The following ERVFRD-1 variants were observed in gnomAD, a reference collection of about 807,000 sequenced individuals.
ERVFRD-1 encodes the protein endogenous retrovirus group FRD member 1, envelope, also known as syncytin-2.
Under a neutral mutation model 43.8 loss-of-function variants are expected in ERVFRD-1, and 33 were observed. The observed-to-expected ratio is 0.75, with a 90% CI of 0.57 to 1.01. The LOEUF (loss-of-function observed/expected upper bound fraction) is 1.01, where lower values mean the gene tolerates loss of function less well. Among genes scored for constraint, ERVFRD-1 ranks in the 50% least tolerant of loss-of-function variants. The pLI, the probability that ERVFRD-1 is intolerant of heterozygous loss-of-function variation, is 0.00. For missense variants in ERVFRD-1, 568 were observed against 658.4 expected (o/e 0.86, Z 1.50); for synonymous variants, 239 against 244.4 (o/e 0.98, Z 0.21).
In ERVFRD-1 at chr6:11,105,000, C is replaced by A. The variant is rs369615242; in HGVS notation, c.311G>T (p.Arg104Leu). The change falls in exon 2 of 2, where the codon CGC becomes CTC. Residue 104 changes from arginine (R) to leucine (L), a missense_variant. Transcript: ENST00000472091. ...GGGTCCGAAAATGGGAGGTTTCTGG[C>A]GGATATCAGGGAAATCTTGCTTTAC... is the stretch of plus-strand genomic sequence containing the variant. ...STVKQDFPDI[R>L]QKPPIFGPIF... The A allele has an allele frequency of 1.2e-6, 2 of 1,614,084 alleles. No individual in the cohort carries two copies. The highest frequency in any genetic ancestry group is 8.5e-7 in the Non-Finnish European group (1 of 1,180,022).
rs373841040 is a variant in ERVFRD-1, at chr6:11,110,591, T to A, written c.-321+1086A>T. ...GTGATTAGAGGAATGGAGGAAAATT[T>A]GTATTTGGGATTCTTCATCCTCCCA... On this transcript the variant is annotated intron_variant, in intron 1 of 1. Coordinates refer to ENST00000472091, the MANE Select transcript of ERVFRD-1 (RefSeq NM_207582.3). Among the ~76,000 whole-genome samples, 5 of 152,178 alleles carry A rather than the reference T, an allele frequency of 3.3e-5. No individual in the cohort carries two copies. The South Asian group carries it at 1.0e-3, about 32-fold the overall frequency.
chr6:11,107,140 C>A (rs905078352), intron 1 of ERVFRD-1, among the ~76,000 whole-genome samples: 1 of 152,214 alleles, frequency 6.6e-6, no homozygotes, highest in Non-Finnish European at 1.5e-5. Context: ...TGTGGATTAT[C>A]TAGGAGCTGA....
chr6:11,110,829 G>T (rs1326651984), intron 1 of ERVFRD-1, among the ~76,000 whole-genome samples: 4 of 152,188 alleles, frequency 2.6e-5, no homozygotes, highest in Admixed American at 2.6e-4. Flanking sequence ...CCTGCAAACG[G>T]CAGAGAATTT....
rs1758033050 is a variant in ERVFRD-1, at chr6:11,103,672, G to A, written c.*22C>T. On this transcript the variant is annotated 3_prime_UTR_variant, in exon 2 of 2. Transcript: ENST00000472091. ...ATTTCGCCTCTGTCGTGTTCCACTA[G>A]CGAGCAGTCTAGGGGTCCTCCTTAG... 6.6e-7 allele frequency: 1 copy of A among 1,524,212 alleles called. No homozygotes were observed. The highest frequency in any genetic ancestry group is 1.4e-5 in the African/African-American group (1 of 71,860). 94.4% of individuals were successfully genotyped at this position (1,524,212 alleles called of 1,614,324 possible).
At position 11,104,841 on chromosome 6, in the gene ERVFRD-1, G is replaced by A. The variant is rs561422018; in HGVS notation, c.470C>T (p.Thr157Ile). Residue 157 changes from threonine (T) to isoleucine (I), a missense_variant, in exon 2 of 2, where the codon ACT becomes ATT. By Grantham distance (89) the Thr-to-Ile change is moderately conservative. Coordinates refer to ENST00000472091, the MANE Select transcript of ERVFRD-1 (RefSeq NM_207582.3). ...TTGGTTGTGGGTGTATGTTTGGTAA[G>A]TCTGTTGGTTAGAATCTACAGTGAA... ...VTFTVDSNQQ[T>I]YQTYTHNQFR... The A allele has an allele frequency of 4.3e-6, 7 of 1,614,250 alleles. No individual in the cohort carries two copies. In the African/African-American group the frequency reaches 5.3e-5, roughly 12 times the overall value.
In ERVFRD-1 at chr6:11,102,986, A is replaced by G. The variant is rs1303969532; in HGVS notation, c.*708T>C. On this transcript the variant is annotated 3_prime_UTR_variant, in exon 2 of 2. Transcript: ENST00000472091. Reference sequence around the variant, plus strand: ...TGGTAGGCCCTTGACTTGGGGTTTTATACATTGGCATTGTTCCGGGGTTTC... The same window carrying G: ...TGGTAGGCCCTTGACTTGGGGTTTTGTACATTGGCATTGTTCCGGGGTTTC... The G allele has an allele frequency of 6.6e-6, 1 of 152,198 alleles. No individual in the cohort carries two copies. The highest frequency in any genetic ancestry group is 1.5e-5 in the Non-Finnish European group (1 of 68,058). 9.4% of individuals were successfully genotyped at this position (152,198 alleles called of 1,614,324 possible).
In ERVFRD-1 at chr6:11,105,350, T is replaced by G. The variant is rs541442050; in HGVS notation, c.-40A>C. ...AACTGGTCACAAAACGAGCTGCCAA[T>G]GGAACTCCTGGTGGTGTACAAGTTA... On this transcript the variant is annotated 5_prime_UTR_variant, in exon 2 of 2. Transcript: ENST00000472091. 6.8e-7 allele frequency: 1 copy of G among 1,475,240 alleles called. No individual in the cohort carries two copies. Among genetic ancestry groups the G allele is most frequent in the East Asian group, 2.3e-5 (1 of 44,100 alleles). The allele number at this position is 1,475,240 out of a possible 1,614,324, so 91.4% of individuals were successfully genotyped here.
rs1758056914 is a variant in ERVFRD-1, at chr6:11,104,699, G to A, written c.612C>T (p.Asn204=). 2 of 1,614,136 alleles carry A rather than the reference G, an allele frequency of 1.2e-6. No individual in the cohort carries two copies. Among genetic ancestry groups the A allele is most frequent in the Non-Finnish European group, 1.7e-6 (2 of 1,180,048 alleles). The change falls in exon 2 of 2, where the codon AAC becomes AAT. Residue 204 remains asparagine (N), a synonymous_variant. Coordinates refer to ENST00000472091, the MANE Select transcript of ERVFRD-1 (RefSeq NM_207582.3). ...TATAATCAGCAGGCCGGAACCAGAA[G>A]TTTCGAGTACTGCATGAGCTTGGGC... ...QGRPSSCSTR[N]FWFRPADYNQ...
chr6:11,103,717 T>C lies in ERVFRD-1; in HGVS notation c.1594A>G (p.Asn532Asp), dbSNP rs1455508568. ...TNLSAGRHPR[N>D]IQESPF ...CCTTAGAAGGGTGACTCTTGAATAT[T>C]GCGAGGATGGCGTCCTGCACTGAGA... The change falls in exon 2 of 2, where the codon AAT (asparagine) becomes GAT (aspartate). Residue 532 changes from asparagine to aspartate, a missense_variant. Asn to Asp is a conservative substitution (Grantham distance 23). Transcript: ENST00000472091. The C allele has an allele frequency of 2.6e-6, 4 of 1,551,242 alleles. No homozygotes were observed. The highest frequency in any genetic ancestry group is 4.9e-5 in the East Asian group (2 of 40,926).
rs772185245 is a variant in ERVFRD-1, at chr6:11,105,225, T to G, written c.86A>C (p.Gln29Pro). 8.7e-6 allele frequency: 14 copies of G among 1,614,064 alleles called. No homozygotes were observed. Among genetic ancestry groups the G allele is most frequent in the Non-Finnish European group, 1.1e-5 (13 of 1,180,038 alleles). ...HPDFPLLEKA[Q>P]QLLQSTGSPY... ...GGATCCTGTACTTTGGAGCAGTTGC[T>G]GAGCTTTTTCCAATAACGGGAAATC... is the stretch of plus-strand genomic sequence containing the variant. Residue 29 changes from glutamine to proline, a missense_variant, in exon 2 of 2, where the codon CAG becomes CCG. Transcript: ENST00000472091.
intron 1 of ERVFRD-1, among the ~76,000 whole-genome samples, chr6:11,109,026 C>T (rs1287288126): frequency 6.6e-6 from 1 of 152,228 alleles, no homozygotes; most frequent in Non-Finnish European, 1.5e-5. Context: ...TGCTCATGTA[C>T]TCCCCTGGAT....
At chr6:11,108,934 T>C (rs1443298640) in intron 1 of ERVFRD-1, among the ~76,000 whole-genome samples, 4 of 152,224 alleles carry the variant, frequency 2.6e-5, no homozygotes, top group African/African-American at 9.7e-5. Context: ...CCTTGATCTG[T>C]CAAGCCCAAT....
In ERVFRD-1 at chr6:11,103,054, A is replaced by G. The variant is rs1276196131; in HGVS notation, c.*640T>C. 2.0e-5 allele frequency: 3 copies of G among 152,166 alleles called. No homozygotes were observed. The highest frequency in any genetic ancestry group is 4.4e-5 in the Non-Finnish European group (3 of 68,082). 9.4% of individuals were successfully genotyped at this position (152,166 alleles called of 1,614,324 possible). A position where few individuals can be genotyped will look rare whatever the true frequency, so the allele number is the denominator to read the frequency against. On this transcript the variant is annotated 3_prime_UTR_variant, in exon 2 of 2. Transcript: ENST00000472091. ...TTTTTCTTTGGGGCGGGCTGTCTGC[A>G]TGCACAGTGGCCTGCCAGCACTTGG... is the stretch of plus-strand genomic sequence containing the variant.
chr6:11,107,710 T>C (rs954621611), intron 1 of ERVFRD-1, among the ~76,000 whole-genome samples: 3 of 152,240 alleles, frequency 2.0e-5, no homozygotes, highest in Non-Finnish European at 4.4e-5. Flanking sequence ...TTGGGTGTAT[T>C]GGGACTACTG....
rs778983132 is a variant in ERVFRD-1, at chr6:11,104,031, T to C, written c.1280A>G (p.Gln427Arg). Residue 427 changes from glutamine (Q) to arginine (R), a missense_variant, in exon 2 of 2, where the codon CAG (glutamine) becomes CGG (arginine). Gln to Arg is a conservative substitution (Grantham distance 43, BLOSUM62 1). Coordinates refer to ENST00000472091, the MANE Select transcript of ERVFRD-1 (RefSeq NM_207582.3). ...RRGLDMLTAA[Q>R]GGICLALDEK... ...ATCTAAGGCCAAACAAATTCCTCCCTGTGCTGCCGTTAACATGTCTAGTCC... is the reference window on the plus strand; with the variant it reads ...ATCTAAGGCCAAACAAATTCCTCCCCGTGCTGCCGTTAACATGTCTAGTCC... 1.3e-6 allele frequency: 2 copies of C among 1,551,738 alleles called. No individual in the cohort carries two copies. The highest frequency in any genetic ancestry group is 1.7e-6 in the Non-Finnish European group (2 of 1,146,998).
chr6:11,107,683 A>G (rs564635819), intron 1 of ERVFRD-1, among the ~76,000 whole-genome samples: 29 of 152,244 alleles, frequency 1.9e-4, no homozygotes, highest in African/African-American at 6.8e-4. Context: ...GAAGAATTAC[A>G]TATGAGTTGG....
Position 11,105,139 on chromosome 6 carries a change from A to G in ERVFRD-1, c.172T>C (p.Tyr58His). ...SSSTETPGTAYPASPREWTSI... is the reference protein window; with the variant it reads ...SSSTETPGTAHPASPREWTSI... ...GTCCATTCTCTGGGCGAGGCTGGAT[A>G]AGCTGTCCCTGGTGTTTCAGTGGAA... is the stretch of plus-strand genomic sequence containing the variant. Residue 58 changes from tyrosine (Y) to histidine (H), a missense_variant, in exon 2 of 2, where the codon TAT becomes CAT. Coordinates refer to ENST00000472091, the MANE Select transcript of ERVFRD-1 (RefSeq NM_207582.3). 1 of 1,614,214 alleles carries G rather than the reference A, an allele frequency of 6.2e-7. No homozygotes were observed. The highest frequency in any genetic ancestry group is 8.5e-7 in the Non-Finnish European group (1 of 1,180,036).
At chr6:11,111,446 G>C (rs375880986) in intron 1 of ERVFRD-1, among the ~76,000 whole-genome samples, 8 of 152,238 alleles carry the variant, frequency 5.3e-5, no homozygotes, top group African/African-American at 1.4e-4. Flanking sequence ...TGTCTGGGGG[G>C]GCCATTAGTG....
In ERVFRD-1 at chr6:11,105,250, C is replaced by A. The variant is rs763685562; in HGVS notation, c.61G>T (p.Asp21Tyr). ...TPSLAAYRHP[D>Y]FPLLEKAQQL... The stretch of plus-strand genomic sequence containing the variant: ...TGAGCTTTTTCCAATAACGGGAAAT[C>A]AGGATGGCGGTAGGCTGCTAGTGAA... The change falls in exon 2 of 2, where the codon GAT becomes TAT. Residue 21 changes from aspartate (D) to tyrosine (Y), a missense_variant. Physicochemically the swap from Asp to Tyr is radical, Grantham distance 160 (BLOSUM62 -3). Transcript: ENST00000472091. 60 of 1,613,922 alleles carry A rather than the reference C, an allele frequency of 3.7e-5. No individual in the cohort carries two copies. The highest frequency in any genetic ancestry group is 1.6e-4 in the Middle Eastern group (1 of 6,084).
Sources: allele counts gnomAD v4.1 joint callset (sites outside exome capture counted in the v4.1 genomes callset), GRCh38; gene constraint gnomAD v4.1.1; transcripts MANE v1.5; gene names NCBI Gene and HGNC (gene_info 2026-07-23, HGNC 2026-07-21).